The following TMEM260 variants were observed in gnomAD, a reference collection of about 807,000 sequenced individuals.
The protein encoded by TMEM260 is transmembrane protein 260, also known as protein O-mannosyl-transferase TMEM260.
Under a neutral mutation model 88.9 loss-of-function variants are expected in TMEM260, and 82 were observed. That is an observed-to-expected ratio of 0.92 (90% CI 0.77 to 1.11). The LOEUF is 1.11. Ranked by LOEUF, TMEM260 falls within the 50% of genes least tolerant of loss-of-function variation. The pLI, the probability that TMEM260 is intolerant of heterozygous loss-of-function variation, is 0.00. For missense variants in TMEM260, 902 were observed against 853.4 expected, an observed-to-expected ratio of 1.06 and a Z score of -0.71; for synonymous variants, 314 against 309.3, an observed-to-expected ratio of 1.02 and a Z score of -0.16.
chr14:56,616,082 A>C, intron 8 of TMEM260, 55 bp downstream of exon 8: 1 of 1,316,452 alleles, frequency 7.6e-7, no homozygotes, highest in South Asian at 1.2e-5. Context: ...AATTGAATTA[A>C]TGTTTTCAGT....
intron 3 of TMEM260, among the ~76,000 whole-genome samples, chr14:56,596,303 AAT>A (rs1215623182): frequency 1.3e-5 from 2 of 151,410 alleles, no homozygotes; most frequent in African/African-American, 4.8e-5. Context: ...TGTCTTAAAT[AAT>A]ATATATATGG....
intron 6 of TMEM260, among the ~76,000 whole-genome samples, chr14:56,611,296 A>G (rs1432214881): frequency 6.6e-6 from 1 of 152,066 alleles, no homozygotes; most frequent in Non-Finnish European, 1.5e-5. Context: ...ATTCTTCCTA[A>G]AGGGTGGCCA....
In TMEM260 at chr14:56,618,685, T is replaced by C. The variant is rs1213697161; in HGVS notation, c.1148T>C (p.Leu383Pro). The change falls in exon 10 of 16, where the codon CTG becomes CCG. Residue 383 changes from leucine to proline, a missense_variant. Physicochemically the swap from Leu to Pro is moderately conservative, Grantham distance 98 (BLOSUM62 -3). Transcript: ENST00000261556. ...AAVVSETNRVLNSNGLQCLEW... is the reference protein window; with the variant it reads ...AAVVSETNRVPNSNGLQCLEW... ...GTTGTGTCTGAGACTAACCGAGTGCTGAATAGCAATGGGCTTCAGTGTCTG... is the reference window on the plus strand; with the variant it reads ...GTTGTGTCTGAGACTAACCGAGTGCCGAATAGCAATGGGCTTCAGTGTCTG... 6.2e-7 allele frequency: 1 copy of C among 1,614,118 alleles called. No homozygotes were observed. The highest frequency in any genetic ancestry group is 2.2e-5 in the East Asian group (1 of 44,896).
At chr14:56,652,357 G>A (rs369889073), downstream of TMEM260, among the ~76,000 whole-genome samples, 3 of 152,038 alleles carry the variant, frequency 2.0e-5, no homozygotes, top group East Asian at 5.8e-4. Context: ...AATTAGCAGG[G>A]CAAGGTGGCA....
chr14:56,615,933 GT>G lies in TMEM260; in HGVS notation c.858-5del. On this transcript the variant is annotated splice_polypyrimidine_tract_variant and intron_variant, in intron 7 of 15. Coordinates refer to ENST00000261556, the MANE Select transcript of TMEM260 (RefSeq NM_017799.4). ...TTTCCTGCCAACAATAAGTTAGATT[GT>G]TTTTTGCAGTTCTCAAGTAACAAAT... 1 of 1,600,592 alleles carries G rather than the reference GT, an allele frequency of 6.2e-7. No individual in the cohort carries two copies. The highest frequency in any genetic ancestry group is 8.6e-7 in the Non-Finnish European group (1 of 1,168,568).
At chr14:56,642,364 C>T (rs1376959569) in intron 15 of TMEM260, among the ~76,000 whole-genome samples, 2 of 152,148 alleles carry the variant, frequency 1.3e-5, no homozygotes, top group South Asian at 4.1e-4. Context: ...TCACTCAAAA[C>T]CACTCAACTA....
At chr14:56,638,477 G>A (rs906467063) in intron 15 of TMEM260, among the ~76,000 whole-genome samples, 11 of 152,074 alleles carry the variant, frequency 7.2e-5, no homozygotes, top group African/African-American at 2.4e-4. Context: ...TCTCATCAGC[G>A]ACCTCTTCTA....
rs1442696443 is a variant in TMEM260 at position 56,649,485 on chromosome 14, G to T, written c.*1988G>T. ...TATTCTCTTTTCTTTAAAAAAAAAA[G>T]TACAATAAAATTCAAACATTCCTTA... On this transcript the variant is annotated 3_prime_UTR_variant, in exon 16 of 16. Coordinates refer to ENST00000261556, the MANE Select transcript of TMEM260 (RefSeq NM_017799.4). 6.6e-6 allele frequency: 1 copy of T among 151,684 alleles called. No individual in the cohort carries two copies. The highest frequency in any genetic ancestry group is 1.5e-5 in the Non-Finnish European group (1 of 67,930). 9.4% of individuals were successfully genotyped at this position (151,684 alleles called of 1,614,324 possible).
intron 6 of TMEM260, among the ~76,000 whole-genome samples, chr14:56,610,967 CTTTTTTT>C: frequency 8.5e-6 from 1 of 118,006 alleles, no homozygotes; most frequent in South Asian, 2.8e-4. Flanking sequence ...TTCTTTCTTT[CTTTTTTT>C]TTTTTTTTTT....
At chr14:56,645,304 T>G (rs1266556428) in intron 15 of TMEM260, among the ~76,000 whole-genome samples, 5 of 151,814 alleles carry the variant, frequency 3.3e-5, no homozygotes, top group African/African-American at 4.8e-5. Flanking sequence ...CATGGAATAC[T>G]ATGCAGCCAT....
chr14:56,661,705 C>T, the TMEM260 span, among the ~76,000 whole-genome samples: 1 of 152,126 alleles, frequency 6.6e-6, no homozygotes, highest in African/African-American at 2.4e-5. Context: ...AGTGAGTTTC[C>T]CCTCTTGTCA....
At chr14:56,662,923 T>C in the TMEM260 span, among the ~76,000 whole-genome samples, 2 of 152,108 alleles carry the variant, frequency 1.3e-5, no homozygotes, top group East Asian at 3.9e-4. Flanking sequence ...AGGTTGGGAG[T>C]TCGAGACCAG....
chr14:56,622,946 T>A (rs570783168), intron 11 of TMEM260, among the ~76,000 whole-genome samples: 1 of 152,196 alleles, frequency 6.6e-6, no homozygotes. Flanking sequence ...CTATGTTATT[T>A]GTTAATAACA....
intron 3 of TMEM260, among the ~76,000 whole-genome samples, chr14:56,603,485 G>C (rs904355303): frequency 6.6e-6 from 1 of 152,012 alleles, no homozygotes; most frequent in Non-Finnish European, 1.5e-5. Context: ...TTCATGGATG[G>C]AGCAAGAAAA....
chr14:56,612,477 CTAAGGATATAAAAA>C, intron 7 of TMEM260, 192 bp downstream of exon 7: 1 of 584,342 alleles, frequency 1.7e-6, no homozygotes. Flanking sequence ...ACAGGAACTC[CTAAGGATATAAAAA>C]TCCATGGGTG....
At chr14:56,622,490 A>G (rs1566558947) in intron 11 of TMEM260, among the ~76,000 whole-genome samples, 1 of 152,162 alleles carries the variant, frequency 6.6e-6, no homozygotes, top group Non-Finnish European at 1.5e-5. Context: ...TTTCACTCAA[A>G]ATAGAAATTA....
At position 56,600,754 on chromosome 14, in the gene TMEM260, C is replaced by T. The variant is rs999716497; in HGVS notation, c.345-3061C>T. On this transcript the variant is annotated intron_variant, in intron 3 of 15. Coordinates refer to ENST00000261556, the MANE Select transcript of TMEM260 (RefSeq NM_017799.4). Reference sequence around the variant, plus strand: ...GAAACAAACATTGAAAGATCCACTACGCTTTTGTGTGCAGTACATTAGGAC... The same window carrying T: ...GAAACAAACATTGAAAGATCCACTATGCTTTTGTGTGCAGTACATTAGGAC... Among the ~76,000 whole-genome samples, 8 of 152,164 alleles carry T rather than the reference C, an allele frequency of 5.3e-5. No homozygotes were observed. The South Asian group carries it at 6.2e-4, about 12-fold the overall frequency.
In TMEM260 at chr14:56,603,852, G is replaced by A. The variant is rs373773461; in HGVS notation, c.382G>A (p.Gly128Arg). Residue 128 changes from glycine to arginine, a missense_variant, in exon 4 of 16, where the codon GGG (glycine) becomes AGG (arginine). Physicochemically the swap from Gly to Arg is moderately radical, Grantham distance 125 (BLOSUM62 -2). Coordinates refer to ENST00000261556, the MANE Select transcript of TMEM260 (RefSeq NM_017799.4). ...GSSAGGILAA[G>R]VFSFSRLTWQ... ...ATCTGCTGGAGGAATCCTTGCTGCGGGGGTGTTTTCATTTTCTCGTCTAAC... is the reference window on the plus strand; with the variant it reads ...ATCTGCTGGAGGAATCCTTGCTGCGAGGGTGTTTTCATTTTCTCGTCTAAC... The A allele has an allele frequency of 4.3e-6, 7 of 1,613,686 alleles. No homozygotes were observed. In the African/African-American group the frequency reaches 9.3e-5, roughly 22 times the overall value.
intron 3 of TMEM260, among the ~76,000 whole-genome samples, chr14:56,586,684 T>C (rs1444071319): frequency 1.4e-4 from 21 of 152,116 alleles, no homozygotes; most frequent in Admixed American, 1.4e-3. Context: ...CATGTCTTAC[T>C]ATAAAACAAA....
Sources: allele counts gnomAD v4.1 joint callset (sites outside exome capture counted in the v4.1 genomes callset), GRCh38; gene constraint gnomAD v4.1.1; transcripts MANE v1.5; gene names NCBI Gene and HGNC (gene_info 2026-07-23, HGNC 2026-07-21).